Variants in PLCB4 observed in about 807,000 individuals in gnomAD.
PLCB4 encodes the protein phospholipase C beta 4, also known as 1-phosphatidylinositol 4,5-bisphosphate phosphodiesterase beta-4.
In PLCB4, 77 loss-of-function variants were observed where a neutral mutation model predicts 178.8. That is an observed-to-expected ratio of 0.43 (90% CI 0.36 to 0.52). The LOEUF is 0.52. PLCB4 is among the 20% of genes least tolerant of loss of function. PLCB4 has a pLI of 0.00. For synonymous variants in PLCB4, 496 were observed against 490.8 expected, an observed-to-expected ratio of 1.01 and a Z score of -0.14; for missense variants, 1,024 against 1,453.4, an observed-to-expected ratio of 0.70 and a Z score of 4.80.
At chr20:9,371,092 A>G (rs1042976360) in intron 9 of PLCB4, 122 bp from the exon 10 acceptor site, 1 of 692,162 alleles carries the variant, frequency 1.4e-6, no homozygotes. Flanking sequence ...AATGAGAGGT[A>G]ATTTTATTCT....
At chr20:9,301,952 T>A (rs1218515772) in intron 3 of PLCB4, among the ~76,000 whole-genome samples, 1 of 151,814 alleles carries the variant, frequency 6.6e-6, no homozygotes, top group Non-Finnish European at 1.5e-5. Flanking sequence ...CTGCAAGAGG[T>A]TTCAGGCTGT....
intron 2 of PLCB4, among the ~76,000 whole-genome samples, chr20:9,125,149 T>C (rs576541558): frequency 1.3e-5 from 2 of 152,306 alleles, no homozygotes; most frequent in Admixed American, 1.3e-4. Flanking sequence ...AACACCGTGA[T>C]CCAGTTTAGC....
chr20:9,464,367 G>C (rs1255698594), intron 35 of PLCB4, among the ~76,000 whole-genome samples: 1 of 152,142 alleles, frequency 6.6e-6, no homozygotes, highest in Non-Finnish European at 1.5e-5. Flanking sequence ...ACAATTAAAA[G>C]AACTAGAGAC....
chr20:9,392,130 T>C (rs760702372), intron 17 of PLCB4, among the ~76,000 whole-genome samples: 45 of 152,252 alleles, frequency 3.0e-4, no homozygotes, highest in African/African-American at 1.1e-3. Flanking sequence ...GAAAGTTCAC[T>C]GTATTCTTAG....
chr20:9,297,275 A>G (rs983342658), intron 3 of PLCB4, among the ~76,000 whole-genome samples: 5 of 152,022 alleles, frequency 3.3e-5, no homozygotes, highest in Non-Finnish European at 7.4e-5. Flanking sequence ...AATGATTAAT[A>G]TGTGTGTACA....
chr20:9,317,456 C>T (rs2094911452), intron 4 of PLCB4, among the ~76,000 whole-genome samples: 1 of 152,082 alleles, frequency 6.6e-6, no homozygotes. Context: ...TTTGGGCTTG[C>T]TTTTATTTCT....
At chr20:9,109,175 C>A (rs1350522471) in intron 2 of PLCB4, among the ~76,000 whole-genome samples, 1 of 152,150 alleles carries the variant, frequency 6.6e-6, no homozygotes, top group East Asian at 1.9e-4. Context: ...ATCCCTGGGT[C>A]TAAAGTATTG....
intron 24 of PLCB4, among the ~76,000 whole-genome samples, chr20:9,410,544 C>T (rs2039783765): frequency 6.6e-6 from 1 of 152,236 alleles, no homozygotes; most frequent in African/African-American, 2.4e-5. Flanking sequence ...AAGCCATGTG[C>T]TGCCAGTGTA....
At chr20:9,397,820 C>G (rs562318469) in intron 19 of PLCB4, among the ~76,000 whole-genome samples, 1 of 152,298 alleles carries the variant, frequency 6.6e-6, no homozygotes, top group South Asian at 2.1e-4. Context: ...AAACCATCCC[C>G]AAATTTAGGG....
At chr20:9,099,915 C>T (rs1297678618) in intron 2 of PLCB4, among the ~76,000 whole-genome samples, 1 of 152,204 alleles carries the variant, frequency 6.6e-6, no homozygotes, top group Non-Finnish European at 1.5e-5. Context: ...CATTTATCCC[C>T]ATTTGGGCTA....
At chr20:9,168,727 G>A (rs748264141) in intron 2 of PLCB4, among the ~76,000 whole-genome samples, 107 of 152,300 alleles carry the variant, frequency 7.0e-4, no homozygotes, top group Non-Finnish European at 1.3e-3. Flanking sequence ...GTCAGTTTGC[G>A]AAGCTCATGA....
intron 2 of PLCB4, among the ~76,000 whole-genome samples, chr20:9,142,523 A>T (rs1415559786): frequency 6.6e-6 from 1 of 152,112 alleles, no homozygotes; most frequent in African/African-American, 2.4e-5. Context: ...CAAACTTGGG[A>T]GTTTTACTAG....
chr20:9,273,717 T>TGC (rs1427019024), intron 3 of PLCB4, among the ~76,000 whole-genome samples: 1 of 150,296 alleles, frequency 6.7e-6, no homozygotes, highest in Non-Finnish European at 1.5e-5. Context: ...TGTGTGTGTG[T>TGC]GTCTGTTTGG....
intron 24 of PLCB4, among the ~76,000 whole-genome samples, chr20:9,409,392 A>C (rs2039698296): frequency 1.3e-5 from 2 of 152,104 alleles, no homozygotes; most frequent in South Asian, 4.1e-4. Context: ...TTGTGATTGG[A>C]ATTTAATTCC....
At chr20:9,270,505 A>G (rs2147614960) in intron 3 of PLCB4, among the ~76,000 whole-genome samples, 1 of 152,230 alleles carries the variant, frequency 6.6e-6, no homozygotes, top group East Asian at 1.9e-4. Context: ...TAGGTAATCT[A>G]TTTCTTTTTA....
chr20:9,277,256 C>T (rs533202062), intron 3 of PLCB4, among the ~76,000 whole-genome samples: 20 of 152,160 alleles, frequency 1.3e-4, no homozygotes, highest in Middle Eastern at 3.4e-3. Flanking sequence ...ATTGAAAGAC[C>T]GCTCAGCCCA....
rs553691545 is a variant in PLCB4, at chr20:9,203,777, GTT to G, written c.-78-13588_-78-13587del. 1.9e-3 allele frequency among the ~76,000 whole-genome samples: 191 copies of G among 101,686 alleles called. 1 individual carries two copies. The East Asian group carries it at 0.056, about 30-fold the overall frequency. The allele number at this position is 101,686 out of a possible 152,430, so 66.7% of individuals were successfully genotyped here. A position where few individuals can be genotyped will look rare whatever the true frequency, so the allele number is the denominator to read the frequency against. ...TCCGAAGGCTCCATTTGGGAATAGT[GTT>G]TTTTTTTTTTTTTTTTTTTTTTTTC... On this transcript the variant is annotated intron_variant, in intron 2 of 39. Transcript: ENST00000378473.
At position 9,421,319 on chromosome 20, in the gene PLCB4, C is replaced by A; in HGVS notation, c.2177C>A (p.Ser726Ter). The A allele has an allele frequency of 1.2e-6, 2 of 1,613,710 alleles. No homozygotes were observed. Among genetic ancestry groups the A allele is most frequent in the Non-Finnish European group, 1.7e-6 (2 of 1,179,738 alleles). Residue 726 changes from serine to a stop codon, truncating the protein, a stop_gained, in exon 27 of 40, where the codon TCA (serine) becomes TAA (stop). Coordinates refer to ENST00000378473, the MANE Select transcript of PLCB4 (RefSeq NM_001377142.1). LOFTEE classifies it high-confidence loss of function. ...CAGGTTATATCAGGTCAATTCTTAT[C>A]AGATAAGAAAATTGGCACCTACGTA... is the stretch of plus-strand genomic sequence containing the variant. ...SVQVISGQFL[S>*]DKKIGTYVEV...
chr20:9,386,661 A>G (rs1173448311), intron 14 of PLCB4, among the ~76,000 whole-genome samples: 1 of 151,856 alleles, frequency 6.6e-6, no homozygotes, highest in Admixed American at 6.6e-5. Context: ...AATTTATTTT[A>G]TTTTATTATT....
Sources: allele counts gnomAD v4.1 joint callset (sites outside exome capture counted in the v4.1 genomes callset), GRCh38; gene constraint gnomAD v4.1.1; transcripts MANE v1.5; gene names NCBI Gene and HGNC (gene_info 2026-07-23, HGNC 2026-07-21).